Variants in PKIB observed in about 807,000 individuals in gnomAD.
The protein encoded by PKIB is PKI-beta.
PKIB carries 2 observed loss-of-function variants against 4.5 expected under a neutral mutation model. The ratio of observed to expected loss-of-function variants is 0.44; its 90% CI spans 0.18 to 1.39. The LOEUF (loss-of-function observed/expected upper bound fraction) is 1.39. Among genes scored for constraint, PKIB ranks in the 40% most tolerant of loss-of-function variants. The pLI is 0.27. For missense variants in PKIB, 94 were observed against 92.6 expected (o/e 1.02, Z -0.06); for synonymous variants, 38 against 36.0 (o/e 1.06, Z -0.20).
At chr6:122,664,631 A>G (rs1777145354) in intron 2 of PKIB, among the ~76,000 whole-genome samples, 1 of 152,120 alleles carries the variant, frequency 6.6e-6, no homozygotes, top group African/African-American at 2.4e-5. Flanking sequence ...GATGGACTCA[A>G]GCAATCCTCC....
At chr6:122,502,202 C>T (rs1489500488) in intron 2 of PKIB, among the ~76,000 whole-genome samples, 3 of 152,002 alleles carry the variant, frequency 2.0e-5, no homozygotes, top group Non-Finnish European at 4.4e-5. Flanking sequence ...CAAACTTTCC[C>T]TCATCTTTCT....
chr6:122,707,884 C>A (rs1319321205), intron 3 of PKIB, among the ~76,000 whole-genome samples: 1 of 152,156 alleles, frequency 6.6e-6, no homozygotes, highest in East Asian at 1.9e-4. Flanking sequence ...ATGGCAATCT[C>A]TTTTTCCTTC....
chr6:122,704,728 CTGTGTGTGTGTG>C (rs113825379), intron 3 of PKIB, among the ~76,000 whole-genome samples: 3 of 149,206 alleles, frequency 2.0e-5, no homozygotes, highest in Admixed American at 6.7e-5. Flanking sequence ...GAAATAATAA[CTGTGTGTGTGTG>C]TGTGTGTGTG....
rs397735179 is a variant in PKIB, at chr6:122,615,196, GA to G, written c.-161+4671del. Among the ~76,000 whole-genome samples, 277 of 115,826 alleles carry G rather than the reference GA, an allele frequency of 2.4e-3. 1 individual carries two copies. The highest frequency in any genetic ancestry group is 5.7e-3 in the African/African-American group (212 of 37,356). The allele number at this position is 115,826 out of a possible 152,430, so 76.0% of individuals were successfully genotyped here. A position where few individuals can be genotyped will look rare whatever the true frequency, so the allele number is the denominator to read the frequency against. On this transcript the variant is annotated intron_variant, in intron 1 of 4. Coordinates refer to ENST00000368452, the MANE Select transcript of PKIB (RefSeq NM_181795.3). ...GTAGAACTTTTTGCAGTAGTGAAAAGAAAAAAAAAATTTTTAAATATGTCTT... is the reference window on the plus strand; with the variant it reads ...GTAGAACTTTTTGCAGTAGTGAAAAGAAAAAAAAATTTTTAAATATGTCTT...
intron 2 of PKIB, among the ~76,000 whole-genome samples, chr6:122,581,038 G>T (rs1028149029): frequency 1.3e-5 from 2 of 152,140 alleles, no homozygotes; most frequent in African/African-American, 4.8e-5. Flanking sequence ...ATCACAGGCT[G>T]GAGATATACC....
chr6:122,530,173 T>G (rs985433527), intron 2 of PKIB, among the ~76,000 whole-genome samples: 1 of 152,140 alleles, frequency 6.6e-6, no homozygotes, highest in Non-Finnish European at 1.5e-5. Context: ...GTCTTCAAGT[T>G]TGCTCATTAT....
upstream of PKIB, among the ~76,000 whole-genome samples, chr6:122,608,236 T>C (rs145061006): frequency 7.9e-3 from 1,196 of 152,344 alleles, 10 homozygotes; most frequent in Non-Finnish European, 0.012. Context: ...TTTTCCTATT[T>C]ATTCTTGTTA....
intron 1 of PKIB, among the ~76,000 whole-genome samples, chr6:122,476,520 A>C (rs1775454735): frequency 6.6e-6 from 1 of 152,138 alleles, no homozygotes; most frequent in Non-Finnish European, 1.5e-5. Flanking sequence ...TTCCACACAG[A>C]TTTTCTTATT....
chr6:122,577,781 C>T (rs1198797733), intron 2 of PKIB, among the ~76,000 whole-genome samples: 2 of 151,548 alleles, frequency 1.3e-5, no homozygotes, highest in Admixed American at 6.6e-5. Context: ...TGGTGGTGGC[C>T]GCCTGTAGTC....
chr6:122,514,230 T>A (rs567172006), intron 2 of PKIB, among the ~76,000 whole-genome samples: 9 of 152,162 alleles, frequency 5.9e-5, no homozygotes, highest in African/African-American at 2.2e-4. Flanking sequence ...AAAAAAAAAT[T>A]CTTTCTTTGA....
chr6:122,621,548 T>C (rs1022951541), intron 1 of PKIB, among the ~76,000 whole-genome samples: 4 of 152,214 alleles, frequency 2.6e-5, no homozygotes, highest in African/African-American at 9.7e-5. Context: ...GTGATGCTAT[T>C]GTTAGATCTT....
chr6:122,576,689 A>AAAAAAAAAAAAAATAT (rs1345822382), intron 2 of PKIB, among the ~76,000 whole-genome samples: 1 of 34,314 alleles, frequency 2.9e-5, no homozygotes, highest in African/African-American at 1.3e-4. Flanking sequence ...AAAAAAAAAA[A>AAAAAAAAAAAAAATAT]ATATATATAT....
rs1259581074 is a variant in PKIB at position 122,682,730 on chromosome 6, T to C, written c.-9+7586T>C. On this transcript the variant is annotated intron_variant, in intron 3 of 4. Coordinates refer to ENST00000368452, the MANE Select transcript of PKIB (RefSeq NM_181795.3). ...TCTCTGCTCTCTTCCAAAGAGAGAC[T>C]TCTGCTGTCTTCCAAAGCTTCTTGA... Among the ~76,000 whole-genome samples the C allele has an allele frequency of 2.6e-5, 4 of 152,162 alleles. No homozygotes were observed. In the South Asian group the frequency reaches 8.3e-4, roughly 32 times the overall value.
rs142150148 is a variant in PKIB at position 122,690,189 on chromosome 6, T to G, written c.-9+15045T>G. 2.7e-5 allele frequency among the ~76,000 whole-genome samples: 4 copies of G among 148,742 alleles called. No individual in the cohort carries two copies. In the East Asian group the frequency reaches 5.9e-4, roughly 22 times the overall value. On this transcript the variant is annotated intron_variant, in intron 3 of 4. Coordinates refer to ENST00000368452, the MANE Select transcript of PKIB (RefSeq NM_181795.3). ...AGGCAACAGATCATTGGGTCTTTCT[T>G]TTTTTTTTTAATCCATTCAACCACT...
intron 2 of PKIB, among the ~76,000 whole-genome samples, chr6:122,562,136 TGTC>T (rs34392280): frequency 0.55 from 82,562 of 150,754 alleles, 22,834 homozygotes; most frequent in South Asian, 0.68. Flanking sequence ...TAGCAGTTCT[TGTC>T]GTGGTGGCTT....
At chr6:122,541,213 G>T (rs1431907202) in intron 2 of PKIB, among the ~76,000 whole-genome samples, 6 of 152,038 alleles carry the variant, frequency 3.9e-5, no homozygotes, top group Admixed American at 3.9e-4. Flanking sequence ...TTGTGAATTT[G>T]GTCCTGTCAT....
Position 122,700,365 on chromosome 6 carries a change from AG to A in PKIB, c.-8-17421del, listed in dbSNP as rs1778763420. Among the ~76,000 whole-genome samples, 3 of 150,402 alleles carry A rather than the reference AG, an allele frequency of 2.0e-5. No individual in the cohort carries two copies. The Admixed American group carries it at 2.0e-4, about 10-fold the overall frequency. On this transcript the variant is annotated intron_variant, in intron 3 of 4. Coordinates refer to ENST00000368452, the MANE Select transcript of PKIB (RefSeq NM_181795.3). Reference sequence around the variant, plus strand: ...GATACTTATAAGTCTTTTCTCTCAGAGAGCTTCAAATTAGTATCATCAGGGT... The same window carrying A: ...GATACTTATAAGTCTTTTCTCTCAGAAGCTTCAAATTAGTATCATCAGGGT...
chr6:122,709,285 T>C (rs1779182638), intron 3 of PKIB, among the ~76,000 whole-genome samples: 2 of 152,136 alleles, frequency 1.3e-5, no homozygotes, highest in Admixed American at 1.3e-4. Flanking sequence ...TTGCTCCATA[T>C]AGACCGTGTA....
At chr6:122,562,308 T>A (rs1258050834) in intron 2 of PKIB, among the ~76,000 whole-genome samples, 2 of 151,962 alleles carry the variant, frequency 1.3e-5, no homozygotes, top group Non-Finnish European at 1.5e-5. Flanking sequence ...GCTTGGAGGG[T>A]TTCTGCTGAG....
Sources: allele counts gnomAD v4.1 joint callset (sites outside exome capture counted in the v4.1 genomes callset), GRCh38; gene constraint gnomAD v4.1.1; transcripts MANE v1.5; gene names NCBI Gene and HGNC (gene_info 2026-07-23, HGNC 2026-07-21).